The following WDR90 variants were observed in gnomAD, a reference collection of about 807,000 sequenced individuals.
WDR90 encodes WD repeat domain 90.
In WDR90, 238 loss-of-function variants were observed where a neutral mutation model predicts 195.2. The observed-to-expected ratio is 1.22, with a 90% confidence interval of 1.10 to 1.36. The LOEUF is 1.36. Among genes scored for constraint, WDR90 ranks in the 40% most tolerant of loss-of-function variants. The pLI is 0.00. For missense variants in WDR90, 2,734 were observed against 2,439.5 expected (o/e 1.12, Z -2.54); for synonymous variants, 1,265 against 1,052.4 (o/e 1.20, Z -3.91).
intron 33 of WDR90, 66 bp downstream of exon 33, chr16:662,397 A>G (rs2037936084): frequency 1.3e-6 from 2 of 1,515,726 alleles, no homozygotes; most frequent in African/African-American, 1.4e-5. Flanking sequence ...TGGGGCTTGC[A>G]GCCAGTGCCC....
intron 34 of WDR90, chr16:664,885 T>G (rs376413224): frequency 3.9e-5 from 6 of 152,356 alleles, no homozygotes; most frequent in African/African-American, 1.4e-4. Context: ...TTCACCGTGT[T>G]AGCCAGGATG....
At chr16:654,788 G>A (rs755435909) in intron 13 of WDR90, 6 of 559,186 alleles carry the variant, frequency 1.1e-5, no homozygotes, top group Non-Finnish European at 1.6e-5. Context: ...TTGCGGGGGG[G>A]TTTGTACTTC....
At chr16:650,839 C>T (rs2037630902) in intron 5 of WDR90, 130 bp downstream of exon 5, 1 of 1,479,740 alleles carries the variant, frequency 6.8e-7, no homozygotes, top group Non-Finnish European at 9.2e-7. Context: ...GGCCAGAACC[C>T]ATCCCAGAGG....
Position 657,151 on chromosome 16 carries a change from C to T in WDR90, c.2403C>T (p.Ser801=). ...CCCCTGACGGCCGCCTGCTCTTCAG[C>T]TCCTGCTCCCAGGGCTCCCTGGCCC... ...TATPDGRLLF[S]SCSQGSLAQY... is the part of the protein sequence containing the mutation. The change falls in exon 20 of 41, where the codon AGC becomes AGT. Residue 801 remains serine, a synonymous_variant. Coordinates refer to ENST00000293879, the MANE Select transcript of WDR90 (RefSeq NM_145294.5). 1 of 1,568,466 alleles carries T rather than the reference C, an allele frequency of 6.4e-7. No individual in the cohort carries two copies. Among genetic ancestry groups the T allele is most frequent in the Non-Finnish European group, 8.6e-7 (1 of 1,157,780 alleles).
Position 658,240 on chromosome 16 carries a change from A to C in WDR90, c.2662A>C (p.Met888Leu). Residue 888 changes from methionine (M) to leucine (L), a missense_variant, in exon 22 of 41, where the codon ATG becomes CTG. Transcript: ENST00000293879. ...DLASSRLDSA[M>L]AVCFGPAALG... ...GGCCAGCAGCCGCCTGGACTCAGCC[A>C]TGGCTGTGTGCTTTGGCCCTGCAGC... is the stretch of plus-strand genomic sequence containing the variant. The C allele has an allele frequency of 6.2e-7, 1 of 1,612,586 alleles. No individual in the cohort carries two copies. Among genetic ancestry groups the C allele is most frequent in the Non-Finnish European group, 8.5e-7 (1 of 1,179,878 alleles).
chr16:665,614 A>G (rs1161184116), intron 34 of WDR90, 65 bp from the exon 35 acceptor site: 1 of 1,609,830 alleles, frequency 6.2e-7, no homozygotes, highest in African/African-American at 1.3e-5. Flanking sequence ...TGGAATAGGA[A>G]ATGCCTGCGT....
intron 7 of WDR90, 83 bp downstream of exon 7, chr16:651,349 G>A (rs2037643708): frequency 2.0e-6 from 3 of 1,485,704 alleles, no homozygotes; most frequent in African/African-American, 2.8e-5. Flanking sequence ...GGCTGGGAAA[G>A]GACCCAGTGG....
In WDR90 at chr16:651,737, G is replaced by A. The variant is rs1019006646; in HGVS notation, c.830G>A (p.Ser277Asn). Residue 277 changes from serine (S) to asparagine (N), a missense_variant, in exon 8 of 41, where the codon AGC becomes AAC. Coordinates refer to ENST00000293879, the MANE Select transcript of WDR90 (RefSeq NM_145294.5). ...FSVSPVVQTP[S>N]PTASGRAALA... ...GTGTCTCCAGTGGTCCAGACGCCCA[G>A]CCCCACAGCCGTGAGTACCCCCTTC... 5.0e-6 allele frequency: 8 copies of A among 1,613,090 alleles called. No homozygotes were observed. Among genetic ancestry groups the A allele is most frequent in the Non-Finnish European group, 6.8e-6 (8 of 1,179,992 alleles).
chr16:667,138 G>A (rs2038103752), intron 40 of WDR90, 149 bp downstream of exon 40: 1 of 914,940 alleles, frequency 1.1e-6, no homozygotes, highest in Admixed American at 2.2e-5. Flanking sequence ...AGAGGGTCCT[G>A]GAGTCAGGAG....
In WDR90 at chr16:651,966, C is replaced by T. The variant is rs780001429; in HGVS notation, c.980C>T (p.Thr327Met). 4.4e-6 allele frequency: 7 copies of T among 1,606,788 alleles called. No homozygotes were observed. The highest frequency in any genetic ancestry group is 3.4e-5 in the Admixed American group (2 of 59,488). ...CAGCTGGAGGCCTCTGACATCCACA[C>T]GGCTGCTGCCGGCACCCACGTGTTG... ...WAQLEASDIH[T>M]AAAGTHVLTH... is the part of the protein sequence containing the mutation. The change falls in exon 9 of 41, where the codon ACG becomes ATG. Residue 327 changes from threonine (T) to methionine (M), a missense_variant. Transcript: ENST00000293879.
In WDR90 at chr16:661,783, T is replaced by C. The variant is rs372783183; in HGVS notation, c.3860T>C (p.Leu1287Pro). Residue 1287 changes from leucine (L) to proline (P), a missense_variant, in exon 31 of 41, where the codon CTT (leucine) becomes CCT (proline). Coordinates refer to ENST00000293879, the MANE Select transcript of WDR90 (RefSeq NM_145294.5). ...LLQQRGADISLQVRREPVPEA... is the reference protein window; with the variant it reads ...LLQQRGADISPQVRREPVPEA... ...CAGCAGCGTGGGGCAGACATCAGCCTTCAGGTGCCACCCGTTCAGCGTTTG... is the reference window on the plus strand; with the variant it reads ...CAGCAGCGTGGGGCAGACATCAGCCCTCAGGTGCCACCCGTTCAGCGTTTG... 3.1e-5 allele frequency: 49 copies of C among 1,598,510 alleles called. No individual in the cohort carries two copies. The highest frequency in any genetic ancestry group is 3.9e-5 in the Non-Finnish European group (46 of 1,171,182).
At chr16:650,424 C>T in intron 4 of WDR90, 62 bp downstream of exon 4, 1 of 1,592,984 alleles carries the variant, frequency 6.3e-7, no homozygotes, top group Non-Finnish European at 8.6e-7. Context: ...TGGTGCAGGC[C>T]CAGTGAGGCT....
At chr16:654,209 TGAGA>T (rs1293258489) in intron 13 of WDR90, 1 of 214,280 alleles carries the variant, frequency 4.7e-6, no homozygotes, top group Admixed American at 5.5e-5. Flanking sequence ...ATTTTTTTTT[TGAGA>T]GAGAGCCTTG....
intron 22 of WDR90, 27 bp from the exon 23 acceptor site, chr16:658,498 G>A (rs1454259087): frequency 1.9e-6 from 3 of 1,594,996 alleles, no homozygotes; most frequent in Non-Finnish European, 2.6e-6. Context: ...CTGAGACACG[G>A]CATTTCCCAA....
upstream of WDR90, chr16:649,147 C>A (rs2037585366): frequency 2.6e-6 from 1 of 379,790 alleles, no homozygotes; most frequent in Admixed American, 4.6e-5. Flanking sequence ...GCAACCGGCG[C>A]GGGCTTCGAA....
chr16:657,767 A>G lies in WDR90; in HGVS notation c.2479A>G (p.Met827Val), dbSNP rs1028183000. The change falls in exon 21 of 41, where the codon ATG (methionine) becomes GTG (valine). Residue 827 changes from methionine to valine, a missense_variant. Physicochemically the swap from Met to Val is conservative, Grantham distance 21 (BLOSUM62 1). Transcript: ENST00000293879. ...QWHVLRVAAD[M>V]VCPDAPASPS... ...CCTGCCCCGTGTGGCCACAGCGGACATGGTATGCCCGGATGCCCCCGCGAG... is the reference window on the plus strand; with the variant it reads ...CCTGCCCCGTGTGGCCACAGCGGACGTGGTATGCCCGGATGCCCCCGCGAG... 1.9e-6 allele frequency: 3 copies of G among 1,547,304 alleles called. No individual in the cohort carries two copies. The highest frequency in any genetic ancestry group is 2.6e-6 in the Non-Finnish European group (3 of 1,145,850).
At chr16:653,691 T>A (rs755451379) in intron 12 of WDR90, 21 bp downstream of exon 12, 1 of 1,613,166 alleles carries the variant, frequency 6.2e-7, no homozygotes, top group Non-Finnish European at 8.5e-7. Context: ...GTCTGCCCCA[T>A]GCAGGGGGAG....
At chr16:649,142 C>G (rs940831622), upstream of WDR90, 3 of 376,268 alleles carry the variant, frequency 8.0e-6, no homozygotes, top group South Asian at 1.4e-4. Flanking sequence ...GATCCGCAAC[C>G]GGCGCGGGCT....
rs1171474669 is a variant in WDR90, at chr16:660,091, G to T, written c.3218G>T (p.Arg1073Leu). The T allele has an allele frequency of 1.3e-6, 2 of 1,547,878 alleles. No individual in the cohort carries two copies. The highest frequency in any genetic ancestry group is 1.7e-6 in the Non-Finnish European group (2 of 1,147,088). ...ARDTRNSGAP[R>L]TTYLASCKAF... ...GACACCAGGAATTCGGGGGCCCCAC[G>T]CACCACCTACCTGGCTTCCTGCAAG... Residue 1073 changes from arginine to leucine, a missense_variant, in exon 27 of 41, where the codon CGC (arginine) becomes CTC (leucine). Arg to Leu is a moderately radical substitution (Grantham distance 102). Transcript: ENST00000293879.
Sources: allele counts gnomAD v4.1 joint callset, GRCh38; gene constraint gnomAD v4.1.1; transcripts MANE v1.5; gene names NCBI Gene and HGNC (gene_info 2026-07-23, HGNC 2026-07-21).